NSUN6: variants seen among roughly 807,000 people sequenced by gnomAD.
NSUN6 encodes the protein tRNA (cytosine(72)-C(5))-methyltransferase NSUN6.
NSUN6 carries 64 observed loss-of-function variants against 58.0 expected under a neutral mutation model. The ratio of observed to expected loss-of-function variants is 1.10; its 90% confidence interval spans 0.90 to 1.36. NSUN6 has a LOEUF of 1.36. Among genes scored for constraint, NSUN6 ranks in the 40% most tolerant of loss-of-function variants. The pLI is 0.00. For missense variants in NSUN6, 701 were observed against 550.1 expected, an observed-to-expected ratio of 1.27 and a Z score of -2.74; for synonymous variants, 231 against 193.9, an observed-to-expected ratio of 1.19 and a Z score of -1.59.
intron 6 of NSUN6, among the ~76,000 whole-genome samples, chr10:18,600,941 A>AAAAAAATATATAT (rs1487679670): frequency 6.9e-5 from 3 of 43,538 alleles, no homozygotes; most frequent in African/African-American, 2.4e-4. Context: ...AAAAAAAAAA[A>AAAAAAATATATAT]ATATATATAT....
At position 18,651,252 on chromosome 10, in the gene NSUN6, T is replaced by C. The variant is rs779672798; in HGVS notation, c.-49A>G. On this transcript the variant is annotated 5_prime_UTR_variant, in exon 1 of 11. Coordinates refer to ENST00000377304, the MANE Select transcript of NSUN6 (RefSeq NM_182543.5). ...CCAAGAGAAATGCTGGAAAACGGTG[T>C]TTTGTTTTTTTTTTTCTTTCCGAAT... The C allele has an allele frequency of 2.0e-6, 3 of 1,481,842 alleles. No homozygotes were observed. Among genetic ancestry groups the C allele is most frequent in the South Asian group, 1.3e-5 (1 of 75,626 alleles). 91.8% of individuals were successfully genotyped at this position (1,481,842 alleles called of 1,614,324 possible). A position where few individuals can be genotyped will look rare whatever the true frequency, so the allele number is the denominator to read the frequency against.
chr10:18,579,291 C>G lies in NSUN6; in HGVS notation c.922+6658G>C, dbSNP rs576193570. ...GTTCATGCCATTCTCCTGCCTCAGC[C>G]TCCTGAGTAGCTGGGACTATAGGCG... On this transcript the variant is annotated intron_variant, in intron 8 of 10. Transcript: ENST00000377304. 5.8e-3 allele frequency among the ~76,000 whole-genome samples: 876 copies of G among 152,218 alleles called. 10 individuals are homozygous for G. The highest frequency in any genetic ancestry group is 0.02 in the African/African-American group (837 of 41,528).
chr10:18,628,511 AG>A (rs1300744981), intron 3 of NSUN6, among the ~76,000 whole-genome samples: 2 of 152,194 alleles, frequency 1.3e-5, no homozygotes, highest in Non-Finnish European at 2.9e-5. Flanking sequence ...CTTTGAAAAA[AG>A]TTTAGAAGAA....
intron 8 of NSUN6, among the ~76,000 whole-genome samples, chr10:18,555,223 T>C (rs979096848): frequency 2.4e-4 from 31 of 129,866 alleles, no homozygotes; most frequent in Admixed American, 2.1e-3. Flanking sequence ...GAATGGAGGA[T>C]GAAATGGAAT....
upstream of NSUN6, among the ~76,000 whole-genome samples, chr10:18,653,962 TC>T (rs1364642659): frequency 6.6e-6 from 1 of 152,182 alleles, no homozygotes; most frequent in Non-Finnish European, 1.5e-5. Flanking sequence ...TTTGTGGAAC[TC>T]CAAAGCTTAA....
intron 3 of NSUN6, among the ~76,000 whole-genome samples, chr10:18,620,127 T>G (rs1215051554): frequency 1.3e-5 from 2 of 151,222 alleles, no homozygotes; most frequent in Non-Finnish European, 2.9e-5. Context: ...TAGCTCTGTC[T>G]CCCAGGCTGG....
chr10:18,625,901 A>T (rs1388956586), intron 3 of NSUN6, among the ~76,000 whole-genome samples: 1 of 152,062 alleles, frequency 6.6e-6, no homozygotes, highest in Non-Finnish European at 1.5e-5. Context: ...CTTCACAATA[A>T]CATTTAATGC....
At position 18,616,177 on chromosome 10, in the gene NSUN6, T is replaced by A; in HGVS notation, c.421+7A>T. 7.1e-7 allele frequency: 1 copy of A among 1,411,534 alleles called. No homozygotes were observed. The highest frequency in any genetic ancestry group is 1.4e-5 in the African/African-American group (1 of 70,828). The allele number at this position is 1,411,534 out of a possible 1,614,324, so 87.4% of individuals were successfully genotyped here. A position where few individuals can be genotyped will look rare whatever the true frequency, so the allele number is the denominator to read the frequency against. Reference sequence around the variant, plus strand: ...ACCTTAAAGACAAATCTAAACATTATACTTACATTGTGATGCTGACACAAT... The same window carrying A: ...ACCTTAAAGACAAATCTAAACATTAAACTTACATTGTGATGCTGACACAAT... On this transcript the variant is annotated splice_region_variant and intron_variant, in intron 4 of 10. Transcript: ENST00000377304.
intron 8 of NSUN6, among the ~76,000 whole-genome samples, chr10:18,559,193 T>G (rs900234539): frequency 3.4e-5 from 5 of 147,570 alleles, no homozygotes; most frequent in Non-Finnish European, 7.5e-5. Flanking sequence ...GAATGGAAGA[T>G]GGAATGGAAT....
intron 1 of NSUN6, among the ~76,000 whole-genome samples, chr10:18,650,863 T>C (rs2059683869): frequency 6.6e-6 from 1 of 152,238 alleles, no homozygotes; most frequent in Non-Finnish European, 1.5e-5. Context: ...TTGTTCATCC[T>C]TGTAACCCTT....
At chr10:18,583,458 G>C (rs540918278) in intron 8 of NSUN6, among the ~76,000 whole-genome samples, 58 of 152,148 alleles carry the variant, frequency 3.8e-4, no homozygotes, top group African/African-American at 1.4e-3. Flanking sequence ...GCCGAAAAAA[G>C]AATATGAGAT....
intron 8 of NSUN6, among the ~76,000 whole-genome samples, chr10:18,553,326 G>C (rs1231078496): frequency 6.6e-6 from 1 of 151,808 alleles, no homozygotes; most frequent in Non-Finnish European, 1.5e-5. Context: ...ATGGGGAATG[G>C]TATGGAATGA....
intron 2 of NSUN6, 136 bp downstream of exon 2, chr10:18,648,354 A>T: frequency 1.8e-6 from 1 of 552,190 alleles, no homozygotes; most frequent in South Asian, 3.0e-5. Context: ...AACTTTGAAG[A>T]ATTTACCATT....
intron 6 of NSUN6, among the ~76,000 whole-genome samples, chr10:18,604,744 G>C (rs939791342): frequency 1.3e-5 from 2 of 151,746 alleles, no homozygotes; most frequent in Non-Finnish European, 2.9e-5. Context: ...AAATTAACTG[G>C]GTGTAGTGAC....
intron 10 of NSUN6, among the ~76,000 whole-genome samples, 199 bp from the exon 11 acceptor site, chr10:18,546,344 A>G (rs2054259774): frequency 1.3e-5 from 2 of 152,226 alleles, no homozygotes; most frequent in African/African-American, 4.8e-5. Context: ...ACTATGCGTC[A>G]CCTGATGAAC....
upstream of NSUN6, chr10:18,652,600 G>A (rs867302405): frequency 1.9e-5 from 18 of 935,814 alleles, no homozygotes; most frequent in Middle Eastern, 5.5e-4. Flanking sequence ...AGTCTCTGTC[G>A]CCCAGACTGG....
At chr10:18,648,383 T>G in intron 2 of NSUN6, 107 bp downstream of exon 2, 1 of 670,586 alleles carries the variant, frequency 1.5e-6, no homozygotes, top group Non-Finnish European at 2.5e-6. Context: ...TCAATCTCCT[T>G]ATCTGTAAAA....
chr10:18,611,367 C>A (rs2058228610), intron 5 of NSUN6, among the ~76,000 whole-genome samples: 5 of 152,110 alleles, frequency 3.3e-5, no homozygotes, highest in Admixed American at 2.0e-4. Flanking sequence ...TTGATCTTGG[C>A]AGACATGCAT....
chr10:18,650,845 A>T (rs1316982579), intron 1 of NSUN6, among the ~76,000 whole-genome samples: 1 of 152,200 alleles, frequency 6.6e-6, no homozygotes, highest in African/African-American at 2.4e-5. Flanking sequence ...GAAGACAGGG[A>T]CCTTTTCTTG....
Sources: allele counts gnomAD v4.1 joint callset (sites outside exome capture counted in the v4.1 genomes callset), GRCh38; gene constraint gnomAD v4.1.1; transcripts MANE v1.5; gene names NCBI Gene and HGNC (gene_info 2026-07-23, HGNC 2026-07-21).